The following DST variants were observed in gnomAD, a reference collection of about 807,000 sequenced individuals.
DST encodes the protein dystonin.
Under a neutral mutation model 875.2 loss-of-function variants are expected in DST, and 253 were observed. The ratio of observed to expected loss-of-function variants is 0.29; its 90% CI spans 0.26 to 0.32. The LOEUF is 0.32. Among genes scored for constraint, DST ranks in the 10% least tolerant of loss-of-function variants. The pLI, the probability that DST is intolerant of heterozygous loss-of-function variation, is 1.00. For missense variants in DST, 8,287 were observed against 9,111.6 expected (o/e 0.91, Z 3.68); for synonymous variants, 3,124 against 3,197.1 (o/e 0.98, Z 0.77).
intron 2 of DST, among the ~76,000 whole-genome samples, chr6:56,941,587 A>G (rs760022277): frequency 6.6e-6 from 1 of 152,144 alleles, no homozygotes; most frequent in Non-Finnish European, 1.5e-5. Flanking sequence ...GACTTAATCA[A>G]TCATCCCACC....
chr6:56,678,358 C>G (rs1224329298), intron 9 of DST, among the ~76,000 whole-genome samples: 1 of 152,216 alleles, frequency 6.6e-6, no homozygotes, highest in Non-Finnish European at 1.5e-5. Context: ...TTTGCTAATT[C>G]TAGCTAAACC....
intron 4 of DST, among the ~76,000 whole-genome samples, chr6:56,756,616 C>A (rs990915604): frequency 3.9e-5 from 6 of 152,172 alleles, no homozygotes; most frequent in Non-Finnish European, 8.8e-5. Context: ...CCACATCTCT[C>A]CCTCAAGACA....
At chr6:56,783,300 A>G (rs1207245491) in intron 4 of DST, among the ~76,000 whole-genome samples, 2 of 152,098 alleles carry the variant, frequency 1.3e-5, no homozygotes, top group African/African-American at 2.4e-5. Context: ...TGTCTCATTG[A>G]TCTGTCTAAT....
intron 68 of DST, among the ~76,000 whole-genome samples, chr6:56,526,999 T>C (rs953374069): frequency 6.6e-6 from 1 of 152,140 alleles, no homozygotes; most frequent in Non-Finnish European, 1.5e-5. Context: ...AGTAGAATCA[T>C]TACAGGCTCA....
In DST at chr6:56,517,607, G is replaced by A. The variant is rs999071889; in HGVS notation, c.18143C>T (p.Ala6048Val). The A allele has an allele frequency of 1.2e-6, 2 of 1,612,636 alleles. No homozygotes were observed. The highest frequency in any genetic ancestry group is 2.7e-5 in the African/African-American group (2 of 74,960). The part of the protein sequence containing the change: ...ILRSQQFDQA[A>V]DAELSWITET... Reference sequence around the variant, plus strand: ...AGTAATCCAGGATAACTCAGCATCAGCTGCTTGGTCAAACTAAACAAAAGA... The same window carrying A: ...AGTAATCCAGGATAACTCAGCATCAACTGCTTGGTCAAACTAAACAAAAGA... The change falls in exon 70 of 104, where the codon GCT becomes GTT. Residue 6048 changes from alanine to valine, a missense_variant. Ala to Val is a moderately conservative substitution (Grantham distance 64). Transcript: ENST00000680361.
At position 56,517,099 on chromosome 6, in the gene DST, G is replaced by C; in HGVS notation, c.18357+99C>G. 6.0e-6 allele frequency: 5 copies of C among 835,360 alleles called. No homozygotes were observed. In the South Asian group the frequency reaches 7.5e-5, roughly 12 times the overall value. 51.7% of individuals were successfully genotyped at this position (835,360 alleles called of 1,614,324 possible). A position where few individuals can be genotyped will look rare whatever the true frequency, so the allele number is the denominator to read the frequency against. On this transcript the variant is annotated intron_variant, in intron 71 of 103. Coordinates refer to ENST00000680361, the MANE Select transcript of DST (RefSeq NM_001374736.1). ...ACTAATTATTTTTGCTGCTTAAATG[G>C]CAGCTGTGGATAACGGAGAAGTGTT...
At chr6:56,886,634 G>C (rs990766268) in intron 3 of DST, among the ~76,000 whole-genome samples, 1 of 152,124 alleles carries the variant, frequency 6.6e-6, no homozygotes, top group African/African-American at 2.4e-5. Context: ...AATTAGCTGG[G>C]TGTGGTGGCA....
At chr6:56,519,424 T>A (rs774512760) in intron 69 of DST, among the ~76,000 whole-genome samples, 1 of 152,082 alleles carries the variant, frequency 6.6e-6, no homozygotes, top group Admixed American at 6.6e-5. Context: ...CGGGAGATGT[T>A]AGAGAATGCC....
At chr6:56,588,264 A>G (rs373617834) in intron 49 of DST, among the ~76,000 whole-genome samples, 1 of 152,218 alleles carries the variant, frequency 6.6e-6, no homozygotes, top group African/African-American at 2.4e-5. Flanking sequence ...TGTTCCAGAA[A>G]TGTCTAACAC....
chr6:56,512,701 T>C (rs2096501468), intron 72 of DST, among the ~76,000 whole-genome samples: 1 of 152,232 alleles, frequency 6.6e-6, no homozygotes. Context: ...CTAAAATCAA[T>C]TATGAGCATT....
At chr6:56,822,328 T>C (rs573314052) in intron 4 of DST, among the ~76,000 whole-genome samples, 88 of 152,232 alleles carry the variant, frequency 5.8e-4, no homozygotes, top group African/African-American at 1.9e-3. Flanking sequence ...GTTTCCAGGA[T>C]ATGGTACAGG....
chr6:56,943,800 G>A (rs959365135), intron 2 of DST, among the ~76,000 whole-genome samples: 2 of 151,670 alleles, frequency 1.3e-5, no homozygotes, highest in African/African-American at 2.4e-5. Flanking sequence ...TAAGACATAA[G>A]TAAGGTATAA....
chr6:56,570,568 T>C (rs1053255568), intron 53 of DST, among the ~76,000 whole-genome samples: 1 of 152,100 alleles, frequency 6.6e-6, no homozygotes, highest in East Asian at 1.9e-4. Flanking sequence ...ATGTGAGAGA[T>C]GGAGAGCAGC....
intron 49 of DST, among the ~76,000 whole-genome samples, chr6:56,588,514 A>C (rs2098207864): frequency 6.6e-6 from 1 of 152,188 alleles, no homozygotes; most frequent in African/African-American, 2.4e-5. Context: ...CTATCAAACT[A>C]TAGCCTTCTT....
At chr6:56,923,783 G>A (rs996799931) in intron 2 of DST, among the ~76,000 whole-genome samples, 1 of 152,062 alleles carries the variant, frequency 6.6e-6, no homozygotes, top group Non-Finnish European at 1.5e-5. Context: ...ATTATGGAAG[G>A]CAGTCTACTC....
intron 2 of DST, among the ~76,000 whole-genome samples, chr6:56,909,174 C>A (rs1797784731): frequency 1.3e-5 from 2 of 152,144 alleles, no homozygotes; most frequent in South Asian, 4.1e-4. Flanking sequence ...AGTACCTATG[C>A]TGCTGTCAAA....
chr6:56,814,504 A>T (rs1481843677), intron 4 of DST, among the ~76,000 whole-genome samples: 2 of 152,214 alleles, frequency 1.3e-5, no homozygotes, highest in East Asian at 3.9e-4. Flanking sequence ...AGCAGGATTT[A>T]ACCTCCTAAT....
chr6:56,538,160 AT>A (rs2097050325), intron 61 of DST, among the ~76,000 whole-genome samples: 1 of 150,972 alleles, frequency 6.6e-6, no homozygotes, highest in African/African-American at 2.4e-5. Context: ...TTAAAAGAAA[AT>A]TTTTTTTTGG....
Position 56,553,483 on chromosome 6 carries a change from A to G in DST, c.15309T>C (p.Phe5103=), listed in dbSNP as rs191081991. ...GAGACTGAGCGGTCAAAGTTTTACT[A>G]AAGTCTTTATGATCTTTAATTAATG... ...LESLIKDHKD[F]SKTLTAQSHM... is the part of the protein sequence containing the mutation. The change falls in exon 61 of 104, where the codon TTT becomes TTC. Residue 5103 remains phenylalanine, a synonymous_variant. Coordinates refer to ENST00000680361, the MANE Select transcript of DST (RefSeq NM_001374736.1). The G allele has an allele frequency of 6.8e-6, 11 of 1,613,372 alleles. No homozygotes were observed. Among genetic ancestry groups the G allele is most frequent in the South Asian group, 3.3e-5 (3 of 90,878 alleles).
Sources: allele counts gnomAD v4.1 joint callset (sites outside exome capture counted in the v4.1 genomes callset), GRCh38; gene constraint gnomAD v4.1.1; transcripts MANE v1.5; gene names NCBI Gene and HGNC (gene_info 2026-07-23, HGNC 2026-07-21).